The following ATP10A variants were observed in gnomAD, a reference collection of about 807,000 sequenced individuals.
ATP10A encodes the protein ATPase phospholipid transporting 10A (putative).
A neutral mutation model predicts 147.8 loss-of-function variants in ATP10A; 111 were observed. That is an observed-to-expected ratio of 0.75 (90% CI 0.64 to 0.88). ATP10A has a LOEUF of 0.88. Ranked by LOEUF, ATP10A falls within the 40% of genes least tolerant of loss-of-function variation. The pLI is 0.00. For synonymous variants in ATP10A, 875 were observed against 841.6 expected, an observed-to-expected ratio of 1.04 and a Z score of -0.69; for missense variants, 1,927 against 1,959.0, an observed-to-expected ratio of 0.98 and a Z score of 0.31.
intron 1 of ATP10A, among the ~76,000 whole-genome samples, chr15:25,830,082 G>A (rs150992457): frequency 1.3e-5 from 2 of 152,102 alleles, no homozygotes; most frequent in African/African-American, 2.4e-5. Context: ...GGAGAAGTGC[G>A]GTGGGCAGCC....
intron 1 of ATP10A, among the ~76,000 whole-genome samples, chr15:25,797,127 A>T (rs965907917): frequency 6.6e-6 from 1 of 152,000 alleles, no homozygotes; most frequent in Non-Finnish European, 1.5e-5. Context: ...AATCCCCCCA[A>T]GTCCCTTCCA....
intron 1 of ATP10A, 167 bp downstream of exon 1, chr15:25,862,481 C>T (rs1893806606): frequency 1.2e-6 from 1 of 843,846 alleles, no homozygotes; most frequent in Non-Finnish European, 1.8e-6. Flanking sequence ...GCCTTGGCGG[C>T]GCTGTGGCTT....
At chr15:25,748,792 T>C (rs1486212333) in intron 2 of ATP10A, among the ~76,000 whole-genome samples, 1 of 152,002 alleles carries the variant, frequency 6.6e-6, no homozygotes, top group Admixed American at 6.6e-5. Context: ...CAGTGGCTCA[T>C]GCCTGTAATC....
chr15:25,832,586 T>C (rs1348131769), intron 1 of ATP10A, among the ~76,000 whole-genome samples: 4 of 152,072 alleles, frequency 2.6e-5, no homozygotes, highest in African/African-American at 9.7e-5. Context: ...TTCAAACACA[T>C]TTCCTTTTTT....
At chr15:25,854,024 A>C (rs759538559) in intron 1 of ATP10A, among the ~76,000 whole-genome samples, 3 of 152,180 alleles carry the variant, frequency 2.0e-5, no homozygotes, top group Non-Finnish European at 4.4e-5. Context: ...TACAGTAATA[A>C]CTGCAATGAA....
chr15:25,796,827 T>A (rs766983526), intron 1 of ATP10A, among the ~76,000 whole-genome samples: 3 of 152,264 alleles, frequency 2.0e-5, no homozygotes, highest in Admixed American at 6.5e-5. Flanking sequence ...GAGGCCTTCC[T>A]CCTTCCGTAG....
chr15:25,727,569 G>A (rs558848630), intron 3 of ATP10A, among the ~76,000 whole-genome samples: 1 of 152,138 alleles, frequency 6.6e-6, no homozygotes, highest in Non-Finnish European at 1.5e-5. Flanking sequence ...ACTAGGAAGG[G>A]CAAACTCCCA....
chr15:25,863,109 C>CCGCGCCCGGCTCCTCCGCCGCT lies in ATP10A; in HGVS notation c.-35_-14dup, dbSNP rs1893850723. The stretch of plus-strand genomic sequence containing the variant: ...GCTCCCGCTCCATGGCCGCGTGTCG[C>CCGCGCCCGGCTCCTCCGCCGCT]CGCGCCCGGCTCCTCCGCCGCTCAC... On this transcript the variant is annotated 5_prime_UTR_variant, in exon 1 of 21. Transcript: ENST00000555815. The CCGCGCCCGGCTCCTCCGCCGCT allele has an allele frequency of 1.7e-6, 2 of 1,167,812 alleles. No individual in the cohort carries two copies. Among genetic ancestry groups the CCGCGCCCGGCTCCTCCGCCGCT allele is most frequent in the Non-Finnish European group, 2.1e-6 (2 of 948,364 alleles). 72.3% of individuals were successfully genotyped at this position (1,167,812 alleles called of 1,614,324 possible).
intron 3 of ATP10A, among the ~76,000 whole-genome samples, chr15:25,729,000 GAC>G (rs1198120883): frequency 6.6e-6 from 1 of 152,186 alleles, no homozygotes; most frequent in East Asian, 1.9e-4. Flanking sequence ...GGCCGAGGGC[GAC>G]ACAGGCCCAG....
Position 25,819,845 on chromosome 15 carries a change from T to G in ATP10A, c.450-38622A>C, listed in dbSNP as rs553420380. Reference sequence around the variant, plus strand: ...GAAACAGAAAGTCAGATACCACATATTCTCACTTATCAGTGGGAGCTAAAT... The same window carrying G: ...GAAACAGAAAGTCAGATACCACATAGTCTCACTTATCAGTGGGAGCTAAAT... On this transcript the variant is annotated intron_variant, in intron 1 of 20. Coordinates refer to ENST00000555815, the MANE Select transcript of ATP10A (RefSeq NM_024490.4). Among the ~76,000 whole-genome samples, 7 of 152,308 alleles carry G rather than the reference T, an allele frequency of 4.6e-5. No homozygotes were observed. In the South Asian group the frequency reaches 1.5e-3, roughly 32 times the overall value.
intron 2 of ATP10A, among the ~76,000 whole-genome samples, chr15:25,738,819 C>A (rs955642512): frequency 6.6e-6 from 1 of 152,154 alleles, no homozygotes; most frequent in Non-Finnish European, 1.5e-5. Context: ...GTGCTAAGTG[C>A]CCTACAATTA....
chr15:25,755,187 C>G (rs1888351503), intron 2 of ATP10A, among the ~76,000 whole-genome samples: 1 of 152,124 alleles, frequency 6.6e-6, no homozygotes, highest in East Asian at 1.9e-4. Flanking sequence ...AGAAATAGAG[C>G]TCAGGGCCAT....
At chr15:25,745,032 A>G (rs1366328942) in intron 2 of ATP10A, among the ~76,000 whole-genome samples, 1 of 152,218 alleles carries the variant, frequency 6.6e-6, no homozygotes, top group Non-Finnish European at 1.5e-5. Context: ...TAAACTCTTA[A>G]AGGGAAATTG....
chr15:25,726,608 A>AT (rs1902572741), intron 4 of ATP10A, among the ~76,000 whole-genome samples: 1 of 151,562 alleles, frequency 6.6e-6, no homozygotes, highest in African/African-American at 2.4e-5. Flanking sequence ...CGCCCAGCTA[A>AT]TTTTTTGTGT....
At chr15:25,693,496 G>A (rs924519307) in intron 14 of ATP10A, among the ~76,000 whole-genome samples, 15 of 152,200 alleles carry the variant, frequency 9.9e-5, no homozygotes, top group African/African-American at 3.6e-4. Flanking sequence ...CATCATTCAC[G>A]TCTTACTGTG....
upstream of ATP10A, among the ~76,000 whole-genome samples, chr15:25,864,665 T>C (rs1893913543): frequency 6.6e-6 from 1 of 152,158 alleles, no homozygotes; most frequent in Admixed American, 6.5e-5. Flanking sequence ...TTTTGACATG[T>C]AGAGGCCCAG....
downstream of ATP10A, among the ~76,000 whole-genome samples, chr15:25,676,146 G>A (rs1899131542): frequency 6.6e-6 from 1 of 152,204 alleles, no homozygotes; most frequent in African/African-American, 2.4e-5. Context: ...CGAGGTAACA[G>A]GTCCAAACAG....
chr15:25,681,867 C>T (rs904240236), intron 17 of ATP10A, among the ~76,000 whole-genome samples: 1 of 152,086 alleles, frequency 6.6e-6, no homozygotes, highest in African/African-American at 2.4e-5. Flanking sequence ...TCCTGGTTAA[C>T]ATGGTGAAAC....
intron 1 of ATP10A, among the ~76,000 whole-genome samples, chr15:25,832,715 T>G (rs550587279): frequency 7.9e-5 from 12 of 152,254 alleles, no homozygotes; most frequent in Non-Finnish European, 1.8e-4. Flanking sequence ...GATACTAAAC[T>G]ACAGCTGGAG....
Sources: gnomAD v4.1 joint callset for allele counts (sites outside exome capture counted in the v4.1 genomes callset) on GRCh38, gnomAD v4.1.1 for gene constraint, MANE v1.5 for transcripts, NCBI Gene and HGNC (gene_info 2026-07-23, HGNC 2026-07-21) for gene names.